The following SP140 variants were observed in gnomAD, a reference collection of about 807,000 sequenced individuals.
SP140 encodes SP140 nuclear body protein.
SP140 carries 81 observed loss-of-function variants against 125.0 expected under a neutral mutation model. The observed-to-expected ratio is 0.65, with a 90% CI of 0.54 to 0.78. SP140 has a LOEUF of 0.78. Ranked by LOEUF, SP140 falls within the 30% of genes least tolerant of loss-of-function variation. The probability of loss-of-function intolerance (pLI) is 0.00; values close to 1 mark genes in which losing one functional copy is unlikely to be tolerated. For synonymous variants in SP140, 312 were observed against 354.0 expected, an observed-to-expected ratio of 0.88 and a Z score of 1.33; for missense variants, 858 against 1,037.0, an observed-to-expected ratio of 0.83 and a Z score of 2.37.
intron 3 of SP140, among the ~76,000 whole-genome samples, chr2:230,218,161 A>G (rs1057234547): frequency 2.0e-5 from 3 of 152,252 alleles, no homozygotes; most frequent in African/African-American, 7.2e-5. Context: ...AAAACATTCA[A>G]TCAACTTGAC....
At chr2:230,299,430 C>T (rs2149534359) in intron 22 of SP140, among the ~76,000 whole-genome samples, 1 of 152,256 alleles carries the variant, frequency 6.6e-6, no homozygotes, top group East Asian at 1.9e-4. Flanking sequence ...AGGTGCCTTC[C>T]CCAAGGATCC....
At chr2:230,215,441 T>C (rs376968337) in intron 3 of SP140, among the ~76,000 whole-genome samples, 53 of 152,350 alleles carry the variant, frequency 3.5e-4, no homozygotes, top group African/African-American at 1.0e-3. Context: ...AGGATGCTAC[T>C]ATGTAATTGA....
In SP140 at chr2:230,238,289, C is replaced by G; in HGVS notation, c.314C>G (p.Thr105Arg). 1.9e-6 allele frequency: 3 copies of G among 1,613,728 alleles called. No homozygotes were observed. Among genetic ancestry groups the G allele is most frequent in the Non-Finnish European group, 2.5e-6 (3 of 1,179,648 alleles). Residue 105 changes from threonine to arginine, a missense_variant, in exon 3 of 27, where the codon ACA becomes AGA. Around this residue, in one of 4 missense-constraint regions of SP140, gnomAD observed 791 missense variants for 869.5 expected, o/e 0.91. Coordinates refer to ENST00000392045, the MANE Select transcript of SP140 (RefSeq NM_007237.5). ...MYCVLSELEK[T>R]FGWSHLEALF... is the part of the protein sequence containing the mutation. ...TGTGTACTCAGTGAACTGGAGAAGA[C>G]ATTTGGCTGGTCACATCTGGAAGCA...
At chr2:230,216,714 T>G in intron 3 of SP140, 3 of 1,594,398 alleles carry the variant, frequency 1.9e-6, no homozygotes, top group Non-Finnish European at 2.6e-6. Context: ...GTTTGTGGTT[T>G]GAGACTTTAA....
intron 22 of SP140, among the ~76,000 whole-genome samples, chr2:230,298,572 G>A (rs1158932189): frequency 1.3e-5 from 2 of 152,186 alleles, no homozygotes; most frequent in African/African-American, 4.8e-5. Flanking sequence ...AGCCAGATAT[G>A]TGTGGGGAGA....
intron 22 of SP140, among the ~76,000 whole-genome samples, chr2:230,309,471 A>G (rs775099639): frequency 6.6e-6 from 1 of 152,166 alleles, no homozygotes. Context: ...CTCATGGGGA[A>G]CTTATGGCCA....
intron 4 of SP140, among the ~76,000 whole-genome samples, chr2:230,241,975 A>G (rs2048790857): frequency 6.6e-6 from 1 of 152,162 alleles, no homozygotes; most frequent in Non-Finnish European, 1.5e-5. Flanking sequence ...GAGTTTGGAT[A>G]TGGAGAGAGA....
At chr2:230,307,955 GTATATATATATATATATA>G (rs60233854) in intron 22 of SP140, among the ~76,000 whole-genome samples, 6 of 48,432 alleles carry the variant, frequency 1.2e-4, no homozygotes, top group East Asian at 7.5e-4. Flanking sequence ...GGACATGCAT[GTATATATATATATATATA>G]TATATATATA....
the SP140 span, among the ~76,000 whole-genome samples, chr2:230,187,075 C>T: frequency 6.6e-6 from 1 of 152,118 alleles, no homozygotes; most frequent in Non-Finnish European, 1.5e-5. Context: ...AAGAAATCTC[C>T]ATACTGTTTT....
intron 9 of SP140, 48 bp from the exon 10 acceptor site, chr2:230,250,933 T>C: frequency 6.2e-7 from 1 of 1,604,840 alleles, no homozygotes. Flanking sequence ...ACGTCTTCAC[T>C]AAGTTTTCTC....
chr2:230,308,758 G>A (rs2059058576), intron 22 of SP140, among the ~76,000 whole-genome samples: 1 of 152,232 alleles, frequency 6.6e-6, no homozygotes, highest in African/African-American at 2.4e-5. Context: ...GATCAGAAGT[G>A]TTGGTAGGAA....
chr2:230,251,001 G>T lies in SP140; in HGVS notation c.997G>T (p.Glu333Ter). 2 of 1,613,882 alleles carry T rather than the reference G, an allele frequency of 1.2e-6. No homozygotes were observed. The highest frequency in any genetic ancestry group is 8.5e-7 in the Non-Finnish European group (1 of 1,179,814). ...TGCAGAGGGCAGTGATGACTGTTCA[G>T]AAATGTGTGATGGAGAAGAGCCCCA... Reference protein sequence around the residue: ...EGEEGSDDCSEMCDGEEPQEA... With the variant: ...EGEEGSDDCS The change falls in exon 10 of 27, where the codon GAA becomes TAA. Residue 333 changes from glutamate (E) to a stop codon, truncating the protein, a stop_gained. Transcript: ENST00000392045. LOFTEE classifies it high-confidence loss of function.
rs200493694 is a variant in SP140, at chr2:230,215,121, A to G, written c.-91+1047A>G. 2.5e-5 allele frequency: 40 copies of G among 1,611,968 alleles called. No individual in the cohort carries two copies. Among genetic ancestry groups the G allele is most frequent in the African/African-American group, 4.0e-5 (3 of 75,028 alleles). ...TTTCTACAGGCTTCCAGAGATTCCT[A>G]TAAAAATGGAGTGAAGGTTTTTATA... On this transcript the variant is annotated intron_variant, in intron 3 of 4. Coordinates refer to the SP140 transcript ENST00000456542.
rs2048714663 is a variant in SP140, at chr2:230,241,441, A to G, written c.444A>G (p.Val148=). The change falls in exon 4 of 27, where the codon GTA becomes GTG. Residue 148 remains valine, a synonymous_variant. Transcript: ENST00000392045. ...YEHSPLQMNN[V]NDLEDRPRLL... is the part of the protein sequence containing the mutation. ...ACTCACCTCTCCAAATGAATAATGT[A>G]AACGATTTAGAAGATAGACCCAGAT... The G allele has an allele frequency of 3.1e-6, 5 of 1,599,308 alleles. No homozygotes were observed. The highest frequency in any genetic ancestry group is 2.7e-5 in the African/African-American group (2 of 74,562).
intron 6 of SP140, 40 bp from the exon 7 acceptor site, chr2:230,245,823 C>G: frequency 7.5e-7 from 1 of 1,328,594 alleles, no homozygotes; most frequent in South Asian, 1.2e-5. Context: ...GTGTCCAGGT[C>G]ACTGCCAATT....
upstream of SP140, among the ~76,000 whole-genome samples, chr2:230,223,932 T>C (rs2046026995): frequency 6.6e-6 from 1 of 152,194 alleles, no homozygotes; most frequent in East Asian, 1.9e-4. Context: ...GGCCGGAGCC[T>C]TCTGACTCCA....
At chr2:230,268,357 C>G (rs1017476957) in intron 12 of SP140, among the ~76,000 whole-genome samples, 38 of 152,012 alleles carry the variant, frequency 2.5e-4, no homozygotes, top group African/African-American at 8.5e-4. Context: ...AATCCCCTCT[C>G]TACTAAAATT....
At chr2:230,294,950 C>T (rs2057535162) in intron 21 of SP140, among the ~76,000 whole-genome samples, 2 of 152,202 alleles carry the variant, frequency 1.3e-5, no homozygotes, top group South Asian at 4.1e-4. Context: ...GGAGGAAGAT[C>T]TCCAGAGGCA....
chr2:230,283,932 T>C (rs543284115), intron 15 of SP140, among the ~76,000 whole-genome samples: 1 of 152,304 alleles, frequency 6.6e-6, no homozygotes, highest in Admixed American at 6.5e-5. Flanking sequence ...ATATCAGAGT[T>C]CAGAATATCT....
Sources: gnomAD v4.1 joint callset for allele counts (sites outside exome capture counted in the v4.1 genomes callset) on GRCh38, gnomAD v4.1.1 for gene constraint, gnomAD v4.1.1 regional missense constraint, MANE v1.5 for transcripts, NCBI Gene and HGNC (gene_info 2026-07-23, HGNC 2026-07-21) for gene names.